Variants in TRHDE observed in about 807,000 individuals in gnomAD.
TRHDE encodes thyrotropin releasing hormone degrading enzyme.
A neutral mutation model predicts 125.7 loss-of-function variants in TRHDE; 72 were observed. The ratio of observed to expected loss-of-function variants is 0.57; its 90% CI spans 0.47 to 0.70. TRHDE has a LOEUF of 0.70. TRHDE is among the 30% of genes least tolerant of loss of function. The probability of loss-of-function intolerance (pLI) is 0.00; values close to 1 mark genes in which losing one functional copy is unlikely to be tolerated. For synonymous variants in TRHDE, 509 were observed against 509.1 expected (o/e 1.00, Z 0.00); for missense variants, 1,110 against 1,327.1 (o/e 0.84, Z 2.54).
intron 12 of TRHDE, among the ~76,000 whole-genome samples, chr12:72,578,383 T>A (rs985404199): frequency 3.3e-5 from 5 of 152,038 alleles, no homozygotes; most frequent in African/African-American, 1.2e-4. Flanking sequence ...CAAGTAAGAG[T>A]GACTTCGCCC....
At chr12:72,165,362 T>C (rs531800763) in intron 2 of TRHDE, among the ~76,000 whole-genome samples, 3 of 152,232 alleles carry the variant, frequency 2.0e-5, no homozygotes, top group African/African-American at 7.2e-5. Flanking sequence ...AAGTTAATAA[T>C]GTATGGAGTA....
intron 2 of TRHDE, among the ~76,000 whole-genome samples, chr12:72,222,159 G>A (rs1282097347): frequency 2.6e-5 from 4 of 152,060 alleles, no homozygotes; most frequent in African/African-American, 7.2e-5. Flanking sequence ...CATTCTCTTG[G>A]TTAACACTGG....
intron 2 of TRHDE, among the ~76,000 whole-genome samples, chr12:72,149,735 T>C (rs899791663): frequency 6.6e-6 from 1 of 152,150 alleles, no homozygotes; most frequent in Non-Finnish European, 1.5e-5. Context: ...AATATTTTGG[T>C]AAATATCTTA....
At chr12:72,235,885 GTATAT>G (rs1878330051) in intron 2 of TRHDE, among the ~76,000 whole-genome samples, 1 of 152,202 alleles carries the variant, frequency 6.6e-6, no homozygotes, top group African/African-American at 2.4e-5. Context: ...AATGTGGGAA[GTATAT>G]TATTGCACTG....
intron 14 of TRHDE, 122 bp downstream of exon 14, chr12:72,621,327 A>G: frequency 2.8e-6 from 2 of 706,836 alleles, no homozygotes; most frequent in Non-Finnish European, 4.8e-6. Context: ...CTTACATTTC[A>G]CTTTCCCGAG....
At chr12:72,479,111 G>A (rs1877039510) in intron 5 of TRHDE, among the ~76,000 whole-genome samples, 1 of 151,894 alleles carries the variant, frequency 6.6e-6, no homozygotes, top group East Asian at 1.9e-4. Context: ...CATTGGCCAT[G>A]TTAAGAACAT....
intron 2 of TRHDE, among the ~76,000 whole-genome samples, chr12:72,117,085 T>C (rs1592446590): frequency 6.6e-6 from 1 of 152,162 alleles, no homozygotes; most frequent in Non-Finnish European, 1.5e-5. Context: ...AGAAGGTTTT[T>C]AGCTGAACGT....
At chr12:72,125,935 G>A (rs1238438688) in intron 2 of TRHDE, among the ~76,000 whole-genome samples, 1 of 152,126 alleles carries the variant, frequency 6.6e-6, no homozygotes, top group East Asian at 1.9e-4. Flanking sequence ...GGGAGACCAA[G>A]GTGGCCTGAG....
chr12:72,127,789 C>A (rs1280049603), intron 2 of TRHDE, among the ~76,000 whole-genome samples: 1 of 152,048 alleles, frequency 6.6e-6, no homozygotes, highest in Non-Finnish European at 1.5e-5. Flanking sequence ...ACGTACATAA[C>A]AAACTTGCAT....
intron 12 of TRHDE, among the ~76,000 whole-genome samples, chr12:72,588,979 C>T (rs944852021): frequency 6.6e-6 from 1 of 152,222 alleles, no homozygotes; most frequent in Non-Finnish European, 1.5e-5. Flanking sequence ...TGAGAACTCA[C>T]TATCACAAGA....
At chr12:72,475,277 T>C (rs1191027206) in intron 5 of TRHDE, among the ~76,000 whole-genome samples, 1 of 152,206 alleles carries the variant, frequency 6.6e-6, no homozygotes, top group East Asian at 1.9e-4. Flanking sequence ...ATTTTTATTA[T>C]ACTGTGGATT....
chr12:72,279,307 A>AT (rs1302023956), intron 1 of TRHDE, among the ~76,000 whole-genome samples: 2 of 150,408 alleles, frequency 1.3e-5, no homozygotes, highest in Non-Finnish European at 3.0e-5. Flanking sequence ...CCTTTAAGGC[A>AT]TAAATGCTTT....
intron 1 of TRHDE, among the ~76,000 whole-genome samples, chr12:72,284,863 T>C (rs1429232211): frequency 6.6e-6 from 1 of 152,180 alleles, no homozygotes; most frequent in East Asian, 1.9e-4. Context: ...CTTTTCCATA[T>C]ATTATCTCAT....
intron 2 of TRHDE, among the ~76,000 whole-genome samples, chr12:72,328,682 T>A (rs1869450530): frequency 6.6e-6 from 1 of 152,068 alleles, no homozygotes; most frequent in South Asian, 2.1e-4. Flanking sequence ...CAGAAAAAAA[T>A]TTGCTGAAGT....
intron 15 of TRHDE, among the ~76,000 whole-genome samples, chr12:72,623,675 G>A (rs985968591): frequency 2.0e-5 from 3 of 151,966 alleles, no homozygotes; most frequent in African/African-American, 7.2e-5. Context: ...ATCTTGGAGG[G>A]ATCTCATTCT....
chr12:72,243,170 G>A (rs1478592438), intron 2 of TRHDE, among the ~76,000 whole-genome samples: 1 of 152,192 alleles, frequency 6.6e-6, no homozygotes, highest in Non-Finnish European at 1.5e-5. Flanking sequence ...GATTGAGTCT[G>A]CCCTACTTCA....
intron 2 of TRHDE, among the ~76,000 whole-genome samples, chr12:72,222,560 A>C (rs1878023010): frequency 6.6e-6 from 1 of 152,058 alleles, no homozygotes; most frequent in African/African-American, 2.4e-5. Context: ...GAGAATTTGC[A>C]TTTCTGGTAA....
intron 2 of TRHDE, among the ~76,000 whole-genome samples, chr12:72,233,837 CA>C (rs1383756901): frequency 6.6e-6 from 1 of 152,062 alleles, no homozygotes; most frequent in Non-Finnish European, 1.5e-5. Context: ...ACTTTTTTCC[CA>C]AGATTCCACT....
chr12:72,530,845 G>A (rs545845329), intron 6 of TRHDE, among the ~76,000 whole-genome samples: 10 of 151,792 alleles, frequency 6.6e-5, no homozygotes, highest in Admixed American at 3.3e-4. Flanking sequence ...GCAATAATGG[G>A]TATTTGATAT....
Sources: gnomAD v4.1 joint callset for allele counts (sites outside exome capture counted in the v4.1 genomes callset) on GRCh38, gnomAD v4.1.1 for gene constraint, MANE v1.5 for transcripts, NCBI Gene and HGNC (gene_info 2026-07-23, HGNC 2026-07-21) for gene names.